ATL1: variants seen among roughly 807,000 people sequenced by gnomAD.
ATL1 encodes atlastin GTPase 1.
ATL1 carries 31 observed loss-of-function variants against 75.5 expected under a neutral mutation model. That is an observed-to-expected ratio of 0.41 (90% CI 0.31 to 0.55). The LOEUF is 0.55. Ranked by LOEUF, ATL1 falls within the 20% of genes least tolerant of loss-of-function variation. ATL1 has a pLI of 0.27. For missense variants in ATL1, 405 were observed against 662.6 expected (o/e 0.61, Z 4.27); for synonymous variants, 226 against 233.3 (o/e 0.97, Z 0.28).
At chr14:50,615,506 C>T (rs963407535) in intron 8 of ATL1, among the ~76,000 whole-genome samples, 5 of 152,194 alleles carry the variant, frequency 3.3e-5, no homozygotes, top group African/African-American at 1.2e-4. Context: ...TTACATTTAA[C>T]TTTGGCAGTT....
At chr14:50,620,527 GAT>G in intron 8 of ATL1, 70 bp from the exon 9 acceptor site, 8 of 1,517,348 alleles carry the variant, frequency 5.3e-6, no homozygotes, top group Non-Finnish European at 7.2e-6. Context: ...GAGATCAAAG[GAT>G]GTTTTATTCT....
chr14:50,590,681 G>A (rs574003699), intron 2 of ATL1, among the ~76,000 whole-genome samples: 2 of 152,016 alleles, frequency 1.3e-5, no homozygotes, highest in South Asian at 2.1e-4. Context: ...TGTCTGTCTC[G>A]CTGTTAGGCT....
At chr14:50,582,665 A>T (rs2039067688) in intron 1 of ATL1, among the ~76,000 whole-genome samples, 1 of 150,742 alleles carries the variant, frequency 6.6e-6, no homozygotes, top group Non-Finnish European at 1.5e-5. Flanking sequence ...ACCTCAAATG[A>T]TCCACCCGCC....
chr14:50,592,728 G>A (rs113967902), intron 4 of ATL1, among the ~76,000 whole-genome samples: 25,108 of 150,854 alleles, frequency 0.17, 2,397 homozygotes, highest in African/African-American at 0.27. Context: ...TGGCTAACAC[G>A]GTGAAACCCC....
At position 50,596,800 on chromosome 14, in the gene ATL1, A is replaced by G. The variant is rs548853124; in HGVS notation, c.630+1168A>G. On this transcript the variant is annotated intron_variant, in intron 6 of 13. Coordinates refer to ENST00000358385, the MANE Select transcript of ATL1 (RefSeq NM_015915.5). ...ATTGAGTGCTTGAAAGAAAACACACATATTGAACATTAAATGCTATCATGA... is the reference window on the plus strand; with the variant it reads ...ATTGAGTGCTTGAAAGAAAACACACGTATTGAACATTAAATGCTATCATGA... Among the ~76,000 whole-genome samples, 5 of 152,356 alleles carry G rather than the reference A, an allele frequency of 3.3e-5. 1 individual carries two copies. The South Asian group carries it at 1.0e-3, about 32-fold the overall frequency.
Position 50,628,199 on chromosome 14 carries a change from A to T in ATL1, c.1288A>T (p.Ile430Phe). 3 of 1,614,222 alleles carry T rather than the reference A, an allele frequency of 1.9e-6. No individual in the cohort carries two copies. In the East Asian group the frequency reaches 6.7e-5, roughly 36 times the overall value. ...QLESEIDELY[I>F]QYIKHNDSKN... Reference sequence around the variant, plus strand: ...GGAGAGTGAAATAGATGAACTTTACATCCAATATATCAAGCACAATGATAG... The same window carrying T: ...GGAGAGTGAAATAGATGAACTTTACTTCCAATATATCAAGCACAATGATAG... Residue 430 changes from isoleucine to phenylalanine, a missense_variant, in exon 12 of 14, where the codon ATC becomes TTC. Ile to Phe is a conservative substitution (Grantham distance 21). Coordinates refer to ENST00000358385, the MANE Select transcript of ATL1 (RefSeq NM_015915.5).
chr14:50,560,180 A>C lies in ATL1; in HGVS notation c.-86A>C. 6.5e-7 allele frequency: 1 copy of C among 1,538,598 alleles called. No individual in the cohort carries two copies. Among genetic ancestry groups the C allele is most frequent in the Non-Finnish European group, 8.9e-7 (1 of 1,121,652 alleles). On this transcript the variant is annotated 5_prime_UTR_variant, in exon 1 of 14. Coordinates refer to ENST00000358385, the MANE Select transcript of ATL1 (RefSeq NM_015915.5). ...CGAACTGCGCCCAGCGCGGGCACGGAGCCTCCCACCGCCAGCAACCTGCGG... is the reference window on the plus strand; with the variant it reads ...CGAACTGCGCCCAGCGCGGGCACGGCGCCTCCCACCGCCAGCAACCTGCGG...
intron 1 of ATL1, among the ~76,000 whole-genome samples, chr14:50,564,542 G>C (rs527611118): frequency 3.2e-4 from 48 of 150,370 alleles, no homozygotes; most frequent in Non-Finnish European, 5.5e-4. Context: ...CCAGCTACTC[G>C]GGAGGCTGAG....
At chr14:50,615,998 ATTTTTT>A (rs1017881397) in intron 8 of ATL1, among the ~76,000 whole-genome samples, 1 of 152,012 alleles carries the variant, frequency 6.6e-6, no homozygotes, top group Non-Finnish European at 1.5e-5. Context: ...TATTATTTTT[ATTTTTT>A]ATTTTTAGAT....
chr14:50,558,737 T>A (rs1022656844), upstream of ATL1, among the ~76,000 whole-genome samples: 1 of 152,192 alleles, frequency 6.6e-6, no homozygotes, highest in Non-Finnish European at 1.5e-5. Context: ...AGAATGATAG[T>A]AAAGGAATAT....
At chr14:50,614,291 C>T in intron 7 of ATL1, 82 bp from the exon 8 acceptor site, 2 of 1,448,370 alleles carry the variant, frequency 1.4e-6, no homozygotes, top group Non-Finnish European at 1.9e-6. Context: ...ACCAAACAGA[C>T]ATAGCAAATA....
At chr14:50,569,079 G>A (rs774290084) in intron 1 of ATL1, among the ~76,000 whole-genome samples, 30 of 151,976 alleles carry the variant, frequency 2.0e-4, no homozygotes, top group African/African-American at 5.1e-4. Context: ...AGCTGGGCAT[G>A]GTGACTCATG....
Position 50,624,059 on chromosome 14 carries a change from A to C in ATL1, c.1119+811A>C, listed in dbSNP as rs185998557. On this transcript the variant is annotated intron_variant, in intron 11 of 13. Coordinates refer to ENST00000358385, the MANE Select transcript of ATL1 (RefSeq NM_015915.5). ...AACAGAGCAAGAATCTGTCTCAAAAAACAAAATGTTATGAAATTAAAATTG... is the reference window on the plus strand; with the variant it reads ...AACAGAGCAAGAATCTGTCTCAAAACACAAAATGTTATGAAATTAAAATTG... Among the ~76,000 whole-genome samples, 39 of 152,302 alleles carry C rather than the reference A, an allele frequency of 2.6e-4. 1 individual carries two copies. Among genetic ancestry groups the C allele is most frequent in the Admixed American group, 2.2e-3 (34 of 15,304 alleles).
chr14:50,600,795 T>C (rs972481354), intron 6 of ATL1, among the ~76,000 whole-genome samples: 3 of 152,150 alleles, frequency 2.0e-5, no homozygotes, highest in African/African-American at 7.2e-5. Flanking sequence ...ATTTTAAAAA[T>C]AATTTTATAT....
At chr14:50,534,541 T>C (rs900930062) in intron 1 of ATL1, among the ~76,000 whole-genome samples, 2 of 152,244 alleles carry the variant, frequency 1.3e-5, no homozygotes, top group Non-Finnish European at 2.9e-5. Flanking sequence ...TAAAATGAAT[T>C]AGGCAGTGAA....
chr14:50,624,648 A>G lies in ATL1; in HGVS notation c.1119+1400A>G, dbSNP rs890954962. On this transcript the variant is annotated intron_variant, in intron 11 of 13. Transcript: ENST00000358385. ...GACACATCTCTCACTTTAAATCAAA[A>G]GCTAGAAATGACTAAGCTTAGTGAG... is the stretch of plus-strand genomic sequence containing the variant. Among the ~76,000 whole-genome samples the G allele has an allele frequency of 1.8e-4, 28 of 152,216 alleles. 1 individual carries two copies. Among genetic ancestry groups the G allele is most frequent in the African/African-American group, 6.7e-4 (28 of 41,568 alleles).
intron 1 of ATL1, among the ~76,000 whole-genome samples, chr14:50,548,978 G>C (rs2038668512): frequency 6.6e-6 from 1 of 152,130 alleles, no homozygotes; most frequent in South Asian, 2.1e-4. Flanking sequence ...TTCTAACCAA[G>C]CCCGTCTCTG....
At chr14:50,574,045 C>T (rs1337709612) in intron 1 of ATL1, among the ~76,000 whole-genome samples, 1 of 152,116 alleles carries the variant, frequency 6.6e-6, no homozygotes, top group Non-Finnish European at 1.5e-5. Flanking sequence ...TAAAATGAGT[C>T]ACCTTGTGTA....
intron 1 of ATL1, among the ~76,000 whole-genome samples, chr14:50,568,771 C>T (rs1247379871): frequency 6.6e-6 from 1 of 152,068 alleles, no homozygotes; most frequent in Non-Finnish European, 1.5e-5. Flanking sequence ...CTGCGCATTA[C>T]TCTCTGTTGT....
Sources: gnomAD v4.1 joint callset for allele counts (sites outside exome capture counted in the v4.1 genomes callset) on GRCh38, gnomAD v4.1.1 for gene constraint, MANE v1.5 for transcripts, NCBI Gene and HGNC (gene_info 2026-07-23, HGNC 2026-07-21) for gene names.